Variants in MUC12 observed in about 807,000 individuals in gnomAD.
MUC12 encodes the protein mucin-12.
A neutral mutation model predicts 230.8 loss-of-function variants in MUC12; 172 were observed. The ratio of observed to expected loss-of-function variants is 0.75; its 90% CI spans 0.66 to 0.85. The LOEUF (loss-of-function observed/expected upper bound fraction) is 0.85, where lower values mean the gene tolerates loss of function less well. MUC12 is among the 40% of genes least tolerant of loss of function. MUC12 has a pLI of 0.00. For synonymous variants in MUC12, 1,259 were observed against 2,401.9 expected, an observed-to-expected ratio of 0.52 and a Z score of 13.91; for missense variants, 3,506 against 5,920.6, an observed-to-expected ratio of 0.59 and a Z score of 13.38.
rs533252288 is a variant in MUC12 at position 101,014,913 on chromosome 7, G to A, written c.15801-702G>A. On this transcript the variant is annotated intron_variant, in intron 9 of 11. Transcript: ENST00000536621. Reference sequence around the variant, plus strand: ...TCCTCTCACCTCAGCCTACAAAGTTGTTGGGATTACAGGTGTGAGCTGTCA... The same window carrying A: ...TCCTCTCACCTCAGCCTACAAAGTTATTGGGATTACAGGTGTGAGCTGTCA... 8.5e-5 allele frequency among the ~76,000 whole-genome samples: 13 copies of A among 152,268 alleles called. 1 individual carries two copies. The highest frequency in any genetic ancestry group is 2.6e-4 in the African/African-American group (11 of 41,554).
intron 1 of MUC12, among the ~76,000 whole-genome samples, chr7:100,987,970 TAA>T (rs34064326): frequency 7.0e-5 from 8 of 114,144 alleles, no homozygotes; most frequent in South Asian, 2.7e-4. Context: ...AAACTACGTC[TAA>T]AAAAAAAAAA....
rs1321373479 is a variant in MUC12, at chr7:100,991,371, A to G, written c.808A>G (p.Thr270Ala). ...HTTLSPSSST[T>A]HEGEPTTFQS... ...AACACTGTCCCCTTCCAGCTCTACAACCCATGAGGGAGAACCTACCACCTT... is the reference window on the plus strand; with the variant it reads ...AACACTGTCCCCTTCCAGCTCTACAGCCCATGAGGGAGAACCTACCACCTT... The change falls in exon 2 of 12, where the codon ACC becomes GCC. Residue 270 changes from threonine to alanine, a missense_variant. Physicochemically the swap from Thr to Ala is moderately conservative, Grantham distance 58. Coordinates refer to ENST00000536621, the MANE Select transcript of MUC12 (RefSeq NM_001164462.2). 5 of 1,537,646 alleles carry G rather than the reference A, an allele frequency of 3.3e-6. No individual in the cohort carries two copies. In the East Asian group the frequency reaches 9.8e-5, roughly 30 times the overall value.
chr7:100,992,531 G>A lies in MUC12; in HGVS notation c.1968G>A (p.Glu656=). 2 of 1,537,962 alleles carry A rather than the reference G, an allele frequency of 1.3e-6. No individual in the cohort carries two copies. The highest frequency in any genetic ancestry group is 1.7e-4 in the Middle Eastern group (1 of 5,996). Residue 656 remains glutamate, a synonymous_variant, in exon 2 of 12, where the codon GAG becomes GAA. Coordinates refer to ENST00000536621, the MANE Select transcript of MUC12 (RefSeq NM_001164462.2). ...CTACTACCACATCAGCCTTTGTTGA[G>A]CCATCTACAACCTCCCACGGCAGCC... is the stretch of plus-strand genomic sequence containing the variant. The part of the protein sequence containing the change: ...APPTTTSAFV[E]PSTTSHGSPS...
intron 1 of MUC12, among the ~76,000 whole-genome samples, chr7:100,975,754 T>C (rs1282265901): frequency 6.6e-6 from 1 of 152,240 alleles, no homozygotes; most frequent in Non-Finnish European, 1.5e-5. Context: ...AAGGAAGTAT[T>C]ATATTAACAG....
intron 1 of MUC12, among the ~76,000 whole-genome samples, chr7:100,983,964 A>T (rs1052691773): frequency 1.3e-5 from 2 of 152,162 alleles, no homozygotes; most frequent in African/African-American, 4.8e-5. Context: ...CAGGCAGGAA[A>T]GTCCACCCTG....
chr7:101,017,576 C>G lies in MUC12; in HGVS notation c.15879C>G (p.Asp5293Glu), dbSNP rs1006973437. Residue 5293 changes from aspartate (D) to glutamate (E), a missense_variant and splice_region_variant, in exon 11 of 12, where the codon GAC becomes GAG. By Grantham distance (45) the Asp-to-Glu change is conservative. Transcript: ENST00000536621. The stretch of plus-strand genomic sequence containing the variant: ...ACTCATCACGGCCTCTCCCTACAGA[C>G]CAGAATCTGAGGGAGAGCAGATTCG... The part of the protein sequence containing the change: ...GIFQKTAIWE[D>E]QNLRESRFGL... The G allele has an allele frequency of 6.5e-7, 1 of 1,533,984 alleles. No homozygotes were observed. The highest frequency in any genetic ancestry group is 8.7e-7 in the Non-Finnish European group (1 of 1,144,442).
At chr7:100,985,107 T>C (rs1793168798) in intron 1 of MUC12, among the ~76,000 whole-genome samples, 2 of 152,058 alleles carry the variant, frequency 1.3e-5, no homozygotes, top group African/African-American at 2.4e-5. Flanking sequence ...CCTTAGGTGA[T>C]TGAGGGCCTT....
In MUC12 at chr7:101,004,935, G is replaced by T. The variant is rs780088749; in HGVS notation, c.14372G>T (p.Ser4791Ile). Reference protein sequence around the residue: ...FPASTTTSGLSQESTTFHSKP... With the variant: ...FPASTTTSGLIQESTTFHSKP... ...GCCAGCACCACCACCTCAGGCCTCA[G>T]TCAGGAATCAACAACTTTCCACAGT... Residue 4791 changes from serine (S) to isoleucine (I), a missense_variant, in exon 2 of 12, where the codon AGT (serine) becomes ATT (isoleucine). By Grantham distance (142) the Ser-to-Ile change is moderately radical. Coordinates refer to ENST00000536621, the MANE Select transcript of MUC12 (RefSeq NM_001164462.2). The T allele has an allele frequency of 6.5e-7, 1 of 1,537,848 alleles. No individual in the cohort carries two copies. Among genetic ancestry groups the T allele is most frequent in the Non-Finnish European group, 8.7e-7 (1 of 1,147,048 alleles).
rs777422805 is a variant in MUC12, at chr7:101,006,459, A to G, written c.14957-12A>G. On this transcript the variant is annotated splice_polypyrimidine_tract_variant and intron_variant, in intron 2 of 11. Transcript: ENST00000536621. ...TCCCACGGTGACTGCTGTGGATTCT[A>G]TCTCTCCACAGGGTTGTGCCAGGAA... 38 of 1,524,912 alleles carry G rather than the reference A, an allele frequency of 2.5e-5. No individual in the cohort carries two copies. The African/African-American group carries it at 3.7e-4, about 15-fold the overall frequency. The allele number at this position is 1,524,912 out of a possible 1,614,324, so 94.5% of individuals were successfully genotyped here. A position where few individuals can be genotyped will look rare whatever the true frequency, so the allele number is the denominator to read the frequency against.
intron 11 of MUC12, 123 bp downstream of exon 11, chr7:101,017,786 CCCCCTGGGACCCCTTCCCTTTCCCT>C: frequency 1.6e-6 from 1 of 622,254 alleles, no homozygotes; most frequent in Non-Finnish European, 2.7e-6. Context: ...TCCCTCCCTT[CCCCCTGGGACCCCTTCCCTTTCCCT>C]TCCCCCTGGG....
chr7:101,015,175 C>T (rs1793896618), intron 9 of MUC12: 1 of 176,968 alleles, frequency 5.7e-6, no homozygotes. Context: ...TAATGACATT[C>T]CCTGTAGTTA....
At chr7:101,006,819 A>G (rs1183083977) in intron 3 of MUC12, among the ~76,000 whole-genome samples, 1 of 152,102 alleles carries the variant, frequency 6.6e-6, no homozygotes, top group Non-Finnish European at 1.5e-5. Flanking sequence ...GTAGATGTAT[A>G]TATTTATGGA....
Position 100,991,003 on chromosome 7 carries a change from C to T in MUC12, c.440C>T (p.Pro147Leu). The T allele has an allele frequency of 6.5e-7, 1 of 1,537,908 alleles. No individual in the cohort carries two copies. The highest frequency in any genetic ancestry group is 8.7e-7 in the Non-Finnish European group (1 of 1,147,062). The change falls in exon 2 of 12, where the codon CCA (proline) becomes CTA (leucine). Residue 147 changes from proline (P) to leucine (L), a missense_variant. Transcript: ENST00000536621. ...ACCTTCTACAGTAGCCCCAGATCAC[C>T]AGACAGAACACTCTCACCTGCCCGC... ...STTFYSSPRSPDRTLSPARTT... is the reference protein window; with the variant it reads ...STTFYSSPRSLDRTLSPARTT...
At chr7:100,981,497 A>C (rs1375355556) in intron 1 of MUC12, 3 of 494,114 alleles carry the variant, frequency 6.1e-6, no homozygotes, top group Non-Finnish European at 1.1e-5. Context: ...AGAGAGAAGG[A>C]GCGTCAGGAG....
At position 100,992,464 on chromosome 7, in the gene MUC12, T is replaced by A; in HGVS notation, c.1901T>A (p.Phe634Tyr). 1 of 1,537,818 alleles carries A rather than the reference T, an allele frequency of 6.5e-7. No homozygotes were observed. Among genetic ancestry groups the A allele is most frequent in the Non-Finnish European group, 8.7e-7 (1 of 1,147,028 alleles). ...ACCCGTCAGGGAGAATCTACCACAT[T>A]CCATAGCTGGCCAAGCTCAAAGGAC... is the stretch of plus-strand genomic sequence containing the variant. ...STTRQGESTT[F>Y]HSWPSSKDTR... Residue 634 changes from phenylalanine (F) to tyrosine (Y), a missense_variant, in exon 2 of 12, where the codon TTC becomes TAC. Physicochemically the swap from Phe to Tyr is conservative, Grantham distance 22 (BLOSUM62 3). Coordinates refer to ENST00000536621, the MANE Select transcript of MUC12 (RefSeq NM_001164462.2).
chr7:101,012,643 A>C (rs1404288628), intron 6 of MUC12, among the ~76,000 whole-genome samples, 176 bp from the exon 7 acceptor site: 2 of 152,082 alleles, frequency 1.3e-5, no homozygotes, highest in East Asian at 1.9e-4. Context: ...GGCTGAGGCT[A>C]TCATATCCCC....
rs1172631219 is a variant in MUC12, at chr7:101,005,512, A to C, written c.14949A>C (p.Leu4983Phe). ...TGTCTACTGAAAGCCTGGAAACCTTAGCACCAGGTACTGCTCTTTCCATTT... is the reference window on the plus strand; with the variant it reads ...TGTCTACTGAAAGCCTGGAAACCTTCGCACCAGGTACTGCTCTTTCCATTT... ...TIVSTESLET[L>F]APGLCQEGQI... is the part of the protein sequence containing the mutation. Residue 4983 changes from leucine (L) to phenylalanine (F), a missense_variant, in exon 2 of 12, where the codon TTA (leucine) becomes TTC (phenylalanine). Coordinates refer to ENST00000536621, the MANE Select transcript of MUC12 (RefSeq NM_001164462.2). 5.9e-6 allele frequency: 9 copies of C among 1,536,212 alleles called. No individual in the cohort carries two copies. The highest frequency in any genetic ancestry group is 7.0e-6 in the Non-Finnish European group (8 of 1,146,120).
Position 100,994,068 on chromosome 7 carries a change from G to C in MUC12, c.3505G>C (p.Glu1169Gln). The C allele has an allele frequency of 9.8e-7, 1 of 1,023,608 alleles. No individual in the cohort carries two copies. Among genetic ancestry groups the C allele is most frequent in the Non-Finnish European group, 1.3e-6 (1 of 758,328 alleles). 63.4% of individuals were successfully genotyped at this position (1,023,608 alleles called of 1,614,324 possible). Residue 1169 changes from glutamate to glutamine, a missense_variant, in exon 2 of 12, where the codon GAA becomes CAA. Transcript: ENST00000536621. ...TVYSSSRGST[E>Q]TTVFPHSTTT... Reference sequence around the variant, plus strand: ...CTACAGCAGCAGCCGAGGCTCAACTGAAACCACAGTGTTCCCTCACAGCAC... The same window carrying C: ...CTACAGCAGCAGCCGAGGCTCAACTCAAACCACAGTGTTCCCTCACAGCAC...
At chr7:101,012,959 C>T in intron 7 of MUC12, 21 bp from the exon 8 acceptor site, 1 of 1,537,272 alleles carries the variant, frequency 6.5e-7, no homozygotes, top group Non-Finnish European at 8.7e-7. Context: ...CTCATGCATG[C>T]TGCCCGCCCC....
Sources: allele counts gnomAD v4.1 joint callset (sites outside exome capture counted in the v4.1 genomes callset), GRCh38; gene constraint gnomAD v4.1.1; transcripts MANE v1.5; gene names NCBI Gene and HGNC (gene_info 2026-07-23, HGNC 2026-07-21).